The following FLT3 variants were observed in gnomAD, a reference collection of about 807,000 sequenced individuals.
FLT3 encodes the protein receptor-type tyrosine-protein kinase FLT3.
FLT3 carries 46 observed loss-of-function variants against 126.6 expected under a neutral mutation model. The ratio of observed to expected loss-of-function variants is 0.36; its 90% CI spans 0.29 to 0.46. The LOEUF (loss-of-function observed/expected upper bound fraction) is 0.46, where lower values mean the gene tolerates loss of function less well. Among genes scored for constraint, FLT3 ranks in the 20% least tolerant of loss-of-function variants. The pLI is 1.00. For synonymous variants in FLT3, 404 were observed against 434.4 expected, an observed-to-expected ratio of 0.93 and a Z score of 0.87; for missense variants, 1,069 against 1,190.3, an observed-to-expected ratio of 0.90 and a Z score of 1.50.
In FLT3 at chr13:28,015,653, T is replaced by A; in HGVS notation, c.2590A>T (p.Ile864Phe). 6.2e-7 allele frequency: 1 copy of A among 1,613,574 alleles called. No individual in the cohort carries two copies. Among genetic ancestry groups the A allele is most frequent in the Non-Finnish European group, 8.5e-7 (1 of 1,179,812 alleles). ...WMAPESLFEG[I>F]YTIKSDVWSY... is the part of the protein sequence containing the mutation. ...CAGACATCACTCTTAATGGTGTAGA[T>A]GCCTTCAAACAGGCTTTCGGGGGCC... Residue 864 changes from isoleucine (I) to phenylalanine (F), a missense_variant, in exon 21 of 24, where the codon ATC (isoleucine) becomes TTC (phenylalanine). Ile to Phe is a conservative substitution (Grantham distance 21). Coordinates refer to ENST00000241453, the MANE Select transcript of FLT3 (RefSeq NM_004119.3).
chr13:28,028,105 G>C, intron 16 of FLT3, 73 bp downstream of exon 16: 1 of 785,086 alleles, frequency 1.3e-6, no homozygotes, highest in South Asian at 1.4e-5. Flanking sequence ...GAGAGAGAGA[G>C]AGAGAGCAAA....
intron 23 of FLT3, among the ~76,000 whole-genome samples, chr13:28,008,628 T>C (rs1175825552): frequency 6.6e-6 from 1 of 152,084 alleles, no homozygotes; most frequent in East Asian, 1.9e-4. Flanking sequence ...TTTAGCTACC[T>C]GCCACCACAC....
intron 3 of FLT3, among the ~76,000 whole-genome samples, chr13:28,060,489 A>G (rs1244266611): frequency 6.7e-6 from 1 of 150,314 alleles, no homozygotes; most frequent in South Asian, 2.1e-4. Context: ...AAGAAAAAGG[A>G]AAAAAAATCC....
chr13:28,083,858 C>A (rs146907551), intron 1 of FLT3, among the ~76,000 whole-genome samples: 1 of 151,994 alleles, frequency 6.6e-6, no homozygotes, highest in African/African-American at 2.4e-5. Context: ...TGGCAATTCA[C>A]GTCTTCACTC....
intron 23 of FLT3, among the ~76,000 whole-genome samples, chr13:28,007,070 C>T (rs1021330233): frequency 6.6e-6 from 1 of 151,878 alleles, no homozygotes; most frequent in Non-Finnish European, 1.5e-5. Flanking sequence ...TCACAGATAA[C>T]ATCATAAAAG....
At chr13:28,010,582 T>C (rs1418410996) in intron 23 of FLT3, among the ~76,000 whole-genome samples, 1 of 152,196 alleles carries the variant, frequency 6.6e-6, no homozygotes, top group Non-Finnish European at 1.5e-5. Flanking sequence ...TAATCAGTGA[T>C]CTCCCTGATC....
chr13:28,063,520 A>G (rs947050618), intron 2 of FLT3, among the ~76,000 whole-genome samples: 2 of 152,204 alleles, frequency 1.3e-5, no homozygotes, highest in African/African-American at 4.8e-5. Context: ...TATTGACAGC[A>G]GGGGTTGGAG....
At chr13:28,016,986 C>G (rs527980086) in intron 20 of FLT3, among the ~76,000 whole-genome samples, 1 of 152,138 alleles carries the variant, frequency 6.6e-6, no homozygotes, top group African/African-American at 2.4e-5. Flanking sequence ...AAGTGCATAA[C>G]CCTCATGGGA....
intron 19 of FLT3, among the ~76,000 whole-genome samples, chr13:28,021,528 C>G (rs1006089078): frequency 7.9e-5 from 12 of 152,148 alleles, no homozygotes; most frequent in Non-Finnish European, 1.6e-4. Flanking sequence ...ATGTGCCTCG[C>G]AGTTCAGAGG....
chr13:28,068,595 T>C (rs1373534507), intron 2 of FLT3, among the ~76,000 whole-genome samples: 9 of 152,154 alleles, frequency 5.9e-5, no homozygotes, highest in Admixed American at 5.2e-4. Context: ...CCCAACACTT[T>C]GGGAGGCCAA....
chr13:28,041,288 T>G (rs1268134949), intron 9 of FLT3, among the ~76,000 whole-genome samples: 2 of 152,046 alleles, frequency 1.3e-5, no homozygotes, highest in South Asian at 2.1e-4. Flanking sequence ...CTCTGGACAA[T>G]GGCCAAAGAC....
chr13:28,086,316 C>T lies in FLT3; in HGVS notation c.43+14152G>A, dbSNP rs547697971. 9.2e-5 allele frequency among the ~76,000 whole-genome samples: 14 copies of T among 152,256 alleles called. No individual in the cohort carries two copies. In the South Asian group the frequency reaches 2.9e-3, roughly 32 times the overall value. On this transcript the variant is annotated intron_variant, in intron 1 of 23. Transcript: ENST00000241453. ...TACATGTTTACCATAACACAGTCTA[C>T]CTTTAGGTGATGTTACATTACTTCG...
chr13:28,015,580 C>T lies in FLT3; in HGVS notation c.2653+10G>A, dbSNP rs1365069606. Reference sequence around the variant, plus strand: ...AGGAGCCAAGGGAGGCCAGCAGCTGCCCAACTTACCAAGTGAGAAGATTTC... The same window carrying T: ...AGGAGCCAAGGGAGGCCAGCAGCTGTCCAACTTACCAAGTGAGAAGATTTC... On this transcript the variant is annotated intron_variant, in intron 21 of 23. Coordinates refer to ENST00000241453, the MANE Select transcript of FLT3 (RefSeq NM_004119.3). 2 of 1,559,320 alleles carry T rather than the reference C, an allele frequency of 1.3e-6. No homozygotes were observed. Among genetic ancestry groups the T allele is most frequent in the South Asian group, 2.2e-5 (2 of 89,704 alleles).
At chr13:28,044,449 CAAA>C (rs34061361) in intron 9 of FLT3, among the ~76,000 whole-genome samples, 14 of 129,080 alleles carry the variant, frequency 1.1e-4, no homozygotes, top group Non-Finnish European at 1.2e-4. Context: ...GACTCTGTCT[CAAA>C]AAAAAAAAAA....
At chr13:28,070,435 C>A in intron 2 of FLT3, 56 bp downstream of exon 2, 1 of 1,504,260 alleles carries the variant, frequency 6.6e-7, no homozygotes, top group Non-Finnish European at 9.1e-7. Flanking sequence ...CAATAACTTA[C>A]AAATTACGTT....
At chr13:28,082,841 C>T (rs1422417290) in intron 1 of FLT3, among the ~76,000 whole-genome samples, 1 of 152,010 alleles carries the variant, frequency 6.6e-6, no homozygotes, top group Non-Finnish European at 1.5e-5. Flanking sequence ...GTAGCTGGGA[C>T]TACAGGCACC....
intron 23 of FLT3, among the ~76,000 whole-genome samples, chr13:28,010,724 T>C (rs1871278333): frequency 6.6e-6 from 1 of 152,184 alleles, no homozygotes; most frequent in African/African-American, 2.4e-5. Context: ...ACAAAGATTC[T>C]GGCCGGGCAT....
At chr13:28,069,235 G>T (rs1230019952) in intron 2 of FLT3, among the ~76,000 whole-genome samples, 6 of 152,124 alleles carry the variant, frequency 3.9e-5, no homozygotes, top group Admixed American at 3.9e-4. Flanking sequence ...GTTAACGAGG[G>T]CTTGACTTAG....
intron 15 of FLT3, among the ~76,000 whole-genome samples, chr13:28,029,985 A>G (rs1256853091): frequency 6.6e-6 from 1 of 152,222 alleles, no homozygotes; most frequent in Non-Finnish European, 1.5e-5. Context: ...GGGCAAGGGC[A>G]GGGTCTCTGG....
Sources: gnomAD v4.1 joint callset for allele counts (sites outside exome capture counted in the v4.1 genomes callset) on GRCh38, gnomAD v4.1.1 for gene constraint, MANE v1.5 for transcripts, NCBI Gene and HGNC (gene_info 2026-07-23, HGNC 2026-07-21) for gene names.